Variants in TRAPPC10 observed in about 807,000 individuals in gnomAD.
The protein encoded by TRAPPC10 is TRAPP 130 kDa subunit.
In TRAPPC10, 23 loss-of-function variants were observed where a neutral mutation model predicts 125.5. The ratio of observed to expected loss-of-function variants is 0.18; its 90% CI spans 0.13 to 0.26. The LOEUF is 0.26. TRAPPC10 is among the 10% of genes least tolerant of loss of function. The pLI is 1.00. For missense variants in TRAPPC10, 1,123 were observed against 1,308.4 expected, an observed-to-expected ratio of 0.86 and a Z score of 2.19; for synonymous variants, 509 against 518.0, an observed-to-expected ratio of 0.98 and a Z score of 0.24.
intron 2 of TRAPPC10, among the ~76,000 whole-genome samples, chr21:44,037,217 G>A (rs2034049888): frequency 6.6e-6 from 1 of 152,192 alleles, no homozygotes. Flanking sequence ...GAGAGCCTTG[G>A]ATGAGATGCA....
rs907356082 is a variant in TRAPPC10 at position 44,089,932 on chromosome 21, C to T, written c.2869C>T (p.Arg957Trp). The T allele has an allele frequency of 1.4e-5, 23 of 1,611,734 alleles. No individual in the cohort carries two copies. The highest frequency in any genetic ancestry group is 2.7e-5 in the African/African-American group (2 of 74,856). Reference protein sequence around the residue: ...TTHSLLSSGTRKYVQVCVQNL... With the variant: ...TTHSLLSSGTWKYVQVCVQNL... Reference sequence around the variant, plus strand: ...ACACAGCCTCCTGTCCTCAGGAACACGGTAACGGAGGCGTAGCGTGCGGGC... The same window carrying T: ...ACACAGCCTCCTGTCCTCAGGAACATGGTAACGGAGGCGTAGCGTGCGGGC... The change falls in exon 18 of 23, where the codon CGG becomes TGG. Residue 957 changes from arginine (R) to tryptophan (W), a missense_variant and splice_region_variant. This residue lies in a region of TRAPPC10 where 840 missense variants were observed against 902.0 expected (regional missense o/e 0.93). Coordinates refer to ENST00000291574, the MANE Select transcript of TRAPPC10 (RefSeq NM_003274.5).
At position 44,026,426 on chromosome 21, in the gene TRAPPC10, T is replaced by C. The variant is rs566841170; in HGVS notation, c.68-5665T>C. 1.1e-4 allele frequency among the ~76,000 whole-genome samples: 17 copies of C among 152,350 alleles called. 1 individual carries two copies. In the South Asian group the frequency reaches 3.5e-3, roughly 32 times the overall value. ...AACAGGCTGAGATGACTTCCCAGTT[T>C]GTAATCTCGGATGTTTTTATCGTCC... On this transcript the variant is annotated intron_variant, in intron 1 of 22. Coordinates refer to ENST00000291574, the MANE Select transcript of TRAPPC10 (RefSeq NM_003274.5).
chr21:44,086,715 A>C (rs1601811297), intron 15 of TRAPPC10, 87 bp from the exon 16 acceptor site: 1 of 1,414,336 alleles, frequency 7.1e-7, no homozygotes, highest in East Asian at 2.3e-5. Flanking sequence ...TAGTAAAAGA[A>C]ATAGAGCCCC....
rs1391707309 is a variant in TRAPPC10 at position 44,074,550 on chromosome 21, A to G, written c.1185+80A>G. The G allele has an allele frequency of 4.4e-6, 7 of 1,579,648 alleles. No individual in the cohort carries two copies. In the South Asian group the frequency reaches 5.7e-5, roughly 13 times the overall value. On this transcript the variant is annotated intron_variant, in intron 8 of 22. Coordinates refer to ENST00000291574, the MANE Select transcript of TRAPPC10 (RefSeq NM_003274.5). ...GTGGCGGAGGAAGTCTGCTGTTTGGAGGAGAGGTGTTGCTCATTTAGATCA... is the reference window on the plus strand; with the variant it reads ...GTGGCGGAGGAAGTCTGCTGTTTGGGGGAGAGGTGTTGCTCATTTAGATCA...
Position 44,082,650 on chromosome 21 carries a change from G to T in TRAPPC10, c.1724-138G>T. On this transcript the variant is annotated intron_variant, in intron 13 of 22. Coordinates refer to ENST00000291574, the MANE Select transcript of TRAPPC10 (RefSeq NM_003274.5). The surrounding 1 kb of genome is among the most constrained non-coding windows in gnomAD (Gnocchi z 4.4). Reference sequence around the variant, plus strand: ...TTGGGGGGTGTGAAGATGGCAGGAGGCTGGGCTCAGCTGCTGTGCCCATCA... The same window carrying T: ...TTGGGGGGTGTGAAGATGGCAGGAGTCTGGGCTCAGCTGCTGTGCCCATCA... 1.1e-6 allele frequency: 1 copy of T among 892,264 alleles called. No homozygotes were observed. Among genetic ancestry groups the T allele is most frequent in the Non-Finnish European group, 1.8e-6 (1 of 569,968 alleles). The allele number at this position is 892,264 out of a possible 1,614,324, so 55.3% of individuals were successfully genotyped here.
chr21:44,013,050 G>C (rs1218043695), intron 1 of TRAPPC10, among the ~76,000 whole-genome samples: 1 of 152,204 alleles, frequency 6.6e-6, no homozygotes, highest in Non-Finnish European at 1.5e-5. Flanking sequence ...TGAAGCGTCA[G>C]GCAGAGCCGC....
rs74962700 is a variant in TRAPPC10 at position 44,082,253 on chromosome 21, C to A, written c.1724-535C>A. ...AGAAGGGCCCAGAGAGAGCATTAGGCTCTCATTCCAGCAGCAACTGTAGAC... is the reference window on the plus strand; with the variant it reads ...AGAAGGGCCCAGAGAGAGCATTAGGATCTCATTCCAGCAGCAACTGTAGAC... On this transcript the variant is annotated intron_variant, in intron 13 of 22. Coordinates refer to ENST00000291574, the MANE Select transcript of TRAPPC10 (RefSeq NM_003274.5). This position sits in a 1 kb window ranked among gnomAD's most constrained non-coding sequence, Gnocchi z 4.4. Among the ~76,000 whole-genome samples, 108 of 152,310 alleles carry A rather than the reference C, an allele frequency of 7.1e-4. No individual in the cohort carries two copies. Among genetic ancestry groups the A allele is most frequent in the Admixed American group, 1.5e-3 (23 of 15,308 alleles).
chr21:44,022,009 A>G (rs1455203775), intron 1 of TRAPPC10, among the ~76,000 whole-genome samples: 1 of 151,344 alleles, frequency 6.6e-6, no homozygotes, highest in Non-Finnish European at 1.5e-5. Context: ...TAAGCCACCC[A>G]GTCTATGGCA....
chr21:44,090,516 A>T (rs967403878), intron 18 of TRAPPC10, among the ~76,000 whole-genome samples: 7 of 152,210 alleles, frequency 4.6e-5, no homozygotes, highest in Non-Finnish European at 7.3e-5. Context: ...GTCTGTAGAC[A>T]CTGCCCAGTG....
At position 44,094,083 on chromosome 21, in the gene TRAPPC10, G is replaced by A. The variant is rs367998598; in HGVS notation, c.3018G>A (p.Ser1006=). ...TCCAGCCCATCTACAGCAAGCAGTC[G>A]GTGTTCTTCGTCTGGGAACTCAAGT... is the stretch of plus-strand genomic sequence containing the variant. The part of the protein sequence containing the change: ...QSQQPIYSKQ[S]VFFVWELKWT... Residue 1006 remains serine (S), a synonymous_variant, in exon 20 of 23, where the codon TCG becomes TCA. Coordinates refer to ENST00000291574, the MANE Select transcript of TRAPPC10 (RefSeq NM_003274.5). The A allele has an allele frequency of 2.4e-5, 38 of 1,613,884 alleles. No individual in the cohort carries two copies. Among genetic ancestry groups the A allele is most frequent in the Admixed American group, 5.0e-5 (3 of 59,990 alleles).
At chr21:44,047,277 G>A (rs1033857631) in intron 3 of TRAPPC10, among the ~76,000 whole-genome samples, 9 of 152,114 alleles carry the variant, frequency 5.9e-5, no homozygotes, top group Non-Finnish European at 1.2e-4. Flanking sequence ...CTGCCTCCTG[G>A]GTTCAAGCGA....
At chr21:44,034,701 A>G (rs969296018) in intron 2 of TRAPPC10, among the ~76,000 whole-genome samples, 9 of 152,212 alleles carry the variant, frequency 5.9e-5, no homozygotes, top group African/African-American at 2.2e-4. Flanking sequence ...TATGGTTAAG[A>G]TAAGGACCTC....
chr21:44,077,714 G>C lies in TRAPPC10; in HGVS notation c.1399G>C (p.Glu467Gln), dbSNP rs1482225916. The change falls in exon 11 of 23, where the codon GAA (glutamate) becomes CAA (glutamine). Residue 467 changes from glutamate (E) to glutamine (Q), a missense_variant. By Grantham distance (29) the Glu-to-Gln change is conservative. Around this residue, in one of 4 missense-constraint regions of TRAPPC10, gnomAD observed 840 missense variants for 902.0 expected, o/e 0.93. Transcript: ENST00000291574. ...HYLDLSHATI[E>Q]MYTSIGRIRS... ...ACAGGATTTGTCCCATGCCACCATT[G>C]AAATGTATACAAGCATTGGGAGGAT... 2 of 1,606,032 alleles carry C rather than the reference G, an allele frequency of 1.2e-6. No individual in the cohort carries two copies. Among genetic ancestry groups the C allele is most frequent in the African/African-American group, 1.3e-5 (1 of 74,778 alleles).
chr21:44,081,005 C>CTTTTTTTT (rs71326026), intron 13 of TRAPPC10, among the ~76,000 whole-genome samples: 19 of 103,864 alleles, frequency 1.8e-4, no homozygotes, highest in Admixed American at 3.0e-4. Flanking sequence ...TATTATTGTT[C>CTTTTTTTT]TTTTTTTTTT....
intron 15 of TRAPPC10, among the ~76,000 whole-genome samples, chr21:44,086,323 G>A (rs2242949): frequency 0.072 from 11,005 of 152,302 alleles, 502 homozygotes; most frequent in Non-Finnish European, 0.1. Context: ...CTTGGAGTGA[G>A]GGGGAGCCAC....
Position 44,062,825 on chromosome 21 carries a change from G to A in TRAPPC10, c.791-713G>A, listed in dbSNP as rs185316573. 885 of 985,458 alleles carry A rather than the reference G, an allele frequency of 9.0e-4. 2 individuals carry two copies. The highest frequency in any genetic ancestry group is 1.0e-3 in the Non-Finnish European group (854 of 829,930). The allele number at this position is 985,458 out of a possible 1,614,324, so 61.0% of individuals were successfully genotyped here. A position where few individuals can be genotyped will look rare whatever the true frequency, so the allele number is the denominator to read the frequency against. ...CCATGCCAGGATGCCACGTAGGAAT[G>A]AACTGGTTATGACACCTCTCTGTTG... On this transcript the variant is annotated intron_variant, in intron 6 of 22. Coordinates refer to ENST00000291574, the MANE Select transcript of TRAPPC10 (RefSeq NM_003274.5).
chr21:44,083,596 GA>G (rs2037914030), intron 14 of TRAPPC10, among the ~76,000 whole-genome samples: 1 of 152,288 alleles, frequency 6.6e-6, no homozygotes, highest in African/African-American at 2.4e-5. Context: ...CCCTGCATAT[GA>G]AAATACACAC....
rs542748861 is a variant in TRAPPC10 at position 44,024,192 on chromosome 21, C to T, written c.68-7899C>T. 2.0e-5 allele frequency among the ~76,000 whole-genome samples: 3 copies of T among 152,350 alleles called. No homozygotes were observed. In the South Asian group the frequency reaches 6.2e-4, roughly 32 times the overall value. On this transcript the variant is annotated intron_variant, in intron 1 of 22. Coordinates refer to ENST00000291574, the MANE Select transcript of TRAPPC10 (RefSeq NM_003274.5). ...GGGTTTTAATTAACAGCTCCATCCTCTGTGTTTTCTCTTTTCCACACTGAA... is the reference window on the plus strand; with the variant it reads ...GGGTTTTAATTAACAGCTCCATCCTTTGTGTTTTCTCTTTTCCACACTGAA...
At chr21:44,068,728 G>A (rs888596722) in intron 7 of TRAPPC10, among the ~76,000 whole-genome samples, 3 of 152,060 alleles carry the variant, frequency 2.0e-5, no homozygotes, top group Non-Finnish European at 4.4e-5. Flanking sequence ...AGCCAGTCAA[G>A]TAGCCAGGAT....
Sources: allele counts gnomAD v4.1 joint callset (sites outside exome capture counted in the v4.1 genomes callset), GRCh38; gene constraint gnomAD v4.1.1; regional missense constraint gnomAD v4.1.1; non-coding constraint Gnocchi (gnomAD v3.1); transcripts MANE v1.5; gene names NCBI Gene and HGNC (gene_info 2026-07-23, HGNC 2026-07-21).